Variants in PRPF6 observed in about 807,000 individuals in gnomAD.
The protein encoded by PRPF6 is pre-mRNA-processing factor 6.
A neutral mutation model predicts 118.3 loss-of-function variants in PRPF6; 42 were observed. That is an observed-to-expected ratio of 0.35 (90% CI 0.28 to 0.46). PRPF6 has a LOEUF of 0.46. PRPF6 is among the 20% of genes least tolerant of loss of function. PRPF6 has a pLI of 1.00. For missense variants in PRPF6, 662 were observed against 1,255.7 expected, an observed-to-expected ratio of 0.53 and a Z score of 7.15; for synonymous variants, 481 against 485.1, an observed-to-expected ratio of 0.99 and a Z score of 0.11.
Position 64,011,229 on chromosome 20 carries a change from G to T in PRPF6, c.1306-56G>T. ...TGGAGGGTGGGTCGCTGTCTGGCCT[G>T]CAGCTGTCCCCCCAGCACAGTGTCC... On this transcript the variant is annotated intron_variant, in intron 10 of 20. Coordinates refer to ENST00000266079, the MANE Select transcript of PRPF6 (RefSeq NM_012469.4). The surrounding 1 kb of genome is among the most constrained non-coding windows in gnomAD (Gnocchi z 6.7). The T allele has an allele frequency of 1.3e-6, 2 of 1,559,930 alleles. No homozygotes were observed. The highest frequency in any genetic ancestry group is 1.8e-6 in the Non-Finnish European group (2 of 1,134,882).
chr20:63,995,543 T>A (rs1196583674), intron 6 of PRPF6, 61 bp downstream of exon 6: 2 of 1,594,850 alleles, frequency 1.3e-6, no homozygotes, highest in East Asian at 4.5e-5. Flanking sequence ...TTTGTTTTGT[T>A]TTCTTTTTCT....
chr20:63,999,767 ATTTCCTGGGAGGCG>A lies in PRPF6; in HGVS notation c.1023+22_1023+35del, dbSNP rs1196471457. ...ACGGAGATGTGCCCCAAGGTGAGGT[ATTTCCTGGGAGGCG>A]TTTCCTGGGAGGCTGCGTGATTGTG... is the stretch of plus-strand genomic sequence containing the variant. On this transcript the variant is annotated intron_variant, in intron 8 of 20. Coordinates refer to ENST00000266079, the MANE Select transcript of PRPF6 (RefSeq NM_012469.4). 4.3e-6 allele frequency: 7 copies of A among 1,612,346 alleles called. No individual in the cohort carries two copies. Among genetic ancestry groups the A allele is most frequent in the South Asian group, 1.1e-5 (1 of 91,016 alleles).
In PRPF6 at chr20:63,994,898, G is replaced by A; in HGVS notation, c.439-18G>A. 1.2e-6 allele frequency: 2 copies of A among 1,614,164 alleles called. No individual in the cohort carries two copies. Among genetic ancestry groups the A allele is most frequent in the Non-Finnish European group, 1.7e-6 (2 of 1,180,034 alleles). On this transcript the variant is annotated intron_variant, in intron 4 of 20. Transcript: ENST00000266079. ...TTCTGTCAGAGAATTAATGTTTTTGGGGGCTGGATATTTCCAGAGGAAGTT... is the reference window on the plus strand; with the variant it reads ...TTCTGTCAGAGAATTAATGTTTTTGAGGGCTGGATATTTCCAGAGGAAGTT...
In PRPF6 at chr20:64,029,683, G is replaced by A. The variant is rs1213065948; in HGVS notation, c.2546+192G>A. 5.3e-5 allele frequency among the ~76,000 whole-genome samples: 8 copies of A among 152,216 alleles called. No individual in the cohort carries two copies. Among genetic ancestry groups the A allele is most frequent in the Non-Finnish European group, 1.2e-4 (8 of 68,040 alleles). The stretch of plus-strand genomic sequence containing the variant: ...CCTGGCAGACACACCTGAGGGTGCC[G>A]TGGTCAGAGACTCACTGGGGACGCA... On this transcript the variant is annotated intron_variant, in intron 19 of 20. Transcript: ENST00000266079. This position sits in a 1 kb window ranked among gnomAD's most constrained non-coding sequence, Gnocchi z 4.8.
intron 12 of PRPF6, among the ~76,000 whole-genome samples, chr20:64,022,251 A>G (rs926019256): frequency 1.3e-5 from 2 of 152,180 alleles, no homozygotes; most frequent in African/African-American, 4.8e-5. Context: ...CTGGAGTAAG[A>G]ACTACAGTGT....
At chr20:64,018,026 A>G (rs1025327595) in intron 12 of PRPF6, among the ~76,000 whole-genome samples, 1 of 152,128 alleles carries the variant, frequency 6.6e-6, no homozygotes, top group Admixed American at 6.5e-5. Flanking sequence ...AACATGGCAG[A>G]ACACCATCTT....
chr20:64,029,026 G>A lies in PRPF6; in HGVS notation c.2432-351G>A, dbSNP rs2059303450. Among the ~76,000 whole-genome samples the A allele has an allele frequency of 6.6e-6, 1 of 152,156 alleles. No individual in the cohort carries two copies. Among genetic ancestry groups the A allele is most frequent in the Non-Finnish European group, 1.5e-5 (1 of 68,024 alleles). ...CTACTAAAATACAAAAATGAGCTGG[G>A]CATGGTGGCGGGCGCCTGTAATCCC... On this transcript the variant is annotated intron_variant, in intron 18 of 20. Coordinates refer to ENST00000266079, the MANE Select transcript of PRPF6 (RefSeq NM_012469.4). The surrounding 1 kb of genome is among the most constrained non-coding windows in gnomAD (Gnocchi z 4.8).
In PRPF6 at chr20:64,011,679, A is replaced by G. The variant is rs1368505045; in HGVS notation, c.1524+176A>G. Among the ~76,000 whole-genome samples, 3 of 152,222 alleles carry G rather than the reference A, an allele frequency of 2.0e-5. No homozygotes were observed. The highest frequency in any genetic ancestry group is 3.2e-3 in the Middle Eastern group (1 of 316). ...CTGGGCATGCCCACTGTCGCTCTTGATGGATTCAGGCCTGGAGTTCGTCTT... is the reference window on the plus strand; with the variant it reads ...CTGGGCATGCCCACTGTCGCTCTTGGTGGATTCAGGCCTGGAGTTCGTCTT... On this transcript the variant is annotated intron_variant, in intron 11 of 20. Coordinates refer to ENST00000266079, the MANE Select transcript of PRPF6 (RefSeq NM_012469.4). This position sits in a 1 kb window ranked among gnomAD's most constrained non-coding sequence, Gnocchi z 6.7.
At chr20:63,981,395 G>T in intron 1 of PRPF6, 79 bp downstream of exon 1, 2 of 1,367,120 alleles carry the variant, frequency 1.5e-6, no homozygotes, top group Non-Finnish European at 1.0e-6. Context: ...TGGGGGCGGG[G>T]GTCTATGGCC....
In PRPF6 at chr20:64,028,559, C is replaced by T. The variant is rs765834947; in HGVS notation, c.2421C>T (p.Cys807=). ...NTLMAKALQE[C]PNSGILWSEA... ...TCATGGCCAAGGCGCTGCAGGAGTG[C>T]CCCAACTCCGGTAAGGGGGTGCCCC... is the stretch of plus-strand genomic sequence containing the variant. The change falls in exon 18 of 21, where the codon TGC becomes TGT. Residue 807 remains cysteine, a synonymous_variant. Transcript: ENST00000266079. The surrounding 1 kb of genome is among the most constrained non-coding windows in gnomAD (Gnocchi z 6.5). The T allele has an allele frequency of 6.8e-6, 11 of 1,613,146 alleles. No homozygotes were observed. The highest frequency in any genetic ancestry group is 6.7e-5 in the Admixed American group (4 of 59,992).
intron 8 of PRPF6, 127 bp from the exon 9 acceptor site, chr20:64,000,950 G>C: frequency 3.2e-6 from 3 of 948,418 alleles, no homozygotes; most frequent in South Asian, 1.4e-5. Context: ...AGGTGTGTTA[G>C]AGGCTGAGCT....
rs540418881 is a variant in PRPF6, at chr20:64,032,740, T to A, written c.2674-101T>A. 1.4e-4 allele frequency: 202 copies of A among 1,469,426 alleles called. 1 individual carries two copies. In the African/African-American group the frequency reaches 2.6e-3, roughly 19 times the overall value. 91.0% of individuals were successfully genotyped at this position (1,469,426 alleles called of 1,614,324 possible). ...CCTCTGGCCCGCCAGTTGGGGTTGGTGCTGCCAGGGCCAGGTCTGCAGGGG... is the reference window on the plus strand; with the variant it reads ...CCTCTGGCCCGCCAGTTGGGGTTGGAGCTGCCAGGGCCAGGTCTGCAGGGG... On this transcript the variant is annotated intron_variant, in intron 20 of 20. Transcript: ENST00000266079.
intron 12 of PRPF6, 60 bp from the exon 13 acceptor site, chr20:64,022,697 A>T (rs2059271846): frequency 2.5e-6 from 4 of 1,609,674 alleles, no homozygotes; most frequent in Non-Finnish European, 3.4e-6. Flanking sequence ...GGAGGGCATC[A>T]TGCCACTTGT....
At chr20:64,019,766 G>C (rs1400614853) in intron 12 of PRPF6, among the ~76,000 whole-genome samples, 1 of 152,240 alleles carries the variant, frequency 6.6e-6, no homozygotes, top group East Asian at 1.9e-4. Context: ...CAGTGCCTGA[G>C]GCAGGGCCCT....
rs149421765 is a variant in PRPF6 at position 64,010,108 on chromosome 20, C to T, written c.1187-92C>T. Reference sequence around the variant, plus strand: ...TCCCTGACTGTCAACCAGGGAAGTCCGTCTCATCCTGACCAGCAGCATGCT... The same window carrying T: ...TCCCTGACTGTCAACCAGGGAAGTCTGTCTCATCCTGACCAGCAGCATGCT... On this transcript the variant is annotated intron_variant, in intron 9 of 20. Transcript: ENST00000266079. 1.4e-3 allele frequency: 1,476 copies of T among 1,093,046 alleles called. 17 individuals are homozygous for T. In the African/African-American group the frequency reaches 0.02, roughly 15 times the overall value. The allele number at this position is 1,093,046 out of a possible 1,614,324, so 67.7% of individuals were successfully genotyped here. A position where few individuals can be genotyped will look rare whatever the true frequency, so the allele number is the denominator to read the frequency against.
At chr20:64,003,912 A>G (rs2059178899) in intron 9 of PRPF6, among the ~76,000 whole-genome samples, 1 of 152,252 alleles carries the variant, frequency 6.6e-6, no homozygotes, top group South Asian at 2.1e-4. Context: ...ACAGCGTCTT[A>G]TAATGAGGTG....
At chr20:64,005,008 G>T (rs1243244975) in intron 9 of PRPF6, among the ~76,000 whole-genome samples, 1 of 152,210 alleles carries the variant, frequency 6.6e-6, no homozygotes, top group Non-Finnish European at 1.5e-5. Flanking sequence ...CGGAGAGCAT[G>T]TTGGCCTCTG....
chr20:64,002,895 C>T (rs1377281921), intron 9 of PRPF6, among the ~76,000 whole-genome samples: 4 of 144,732 alleles, frequency 2.8e-5, no homozygotes, highest in African/African-American at 5.3e-5. Context: ...CCACCCACCT[C>T]GACCTCCCAA....
At chr20:64,018,174 T>C (rs2123070981) in intron 12 of PRPF6, among the ~76,000 whole-genome samples, 1 of 152,224 alleles carries the variant, frequency 6.6e-6, no homozygotes, top group South Asian at 2.1e-4. Context: ...TCAGCCTGAG[T>C]GACAGCAAGA....
Sources: gnomAD v4.1 joint callset for allele counts (sites outside exome capture counted in the v4.1 genomes callset) on GRCh38, gnomAD v4.1.1 for gene constraint, Gnocchi (gnomAD v3.1) non-coding constraint, MANE v1.5 for transcripts, NCBI Gene and HGNC (gene_info 2026-07-23, HGNC 2026-07-21) for gene names.